DISP1: variants seen among roughly 807,000 people sequenced by gnomAD.
DISP1 encodes protein dispatched homolog 1.
Under a neutral mutation model 37.3 loss-of-function variants are expected in DISP1, and 30 were observed. The observed-to-expected ratio is 0.80, with a 90% CI of 0.60 to 1.09. DISP1 has a LOEUF of 1.09. Ranked by LOEUF, DISP1 falls within the 50% of genes least tolerant of loss-of-function variation. DISP1 has a pLI of 0.00. For missense variants in DISP1, 1,598 were observed against 1,879.5 expected (o/e 0.85, Z 2.77); for synonymous variants, 634 against 690.2 (o/e 0.92, Z 1.28).
intron 7 of DISP1, among the ~76,000 whole-genome samples, chr1:222,994,573 A>G (rs1678925264): frequency 6.6e-6 from 1 of 152,188 alleles, no homozygotes; most frequent in Admixed American, 6.5e-5. Context: ...GATATATTCA[A>G]TTCGTTTCCT....
intron 1 of DISP1, among the ~76,000 whole-genome samples, chr1:222,895,301 G>C (rs1320445565): frequency 2.0e-5 from 3 of 152,188 alleles, no homozygotes. Flanking sequence ...ACCTTTTGTA[G>C]ACCTTGGTGC....
chr1:222,840,530 C>A (rs576220505), intron 1 of DISP1, among the ~76,000 whole-genome samples: 245 of 151,130 alleles, frequency 1.6e-3, no homozygotes, highest in African/African-American at 5.8e-3. Flanking sequence ...GCGTGAGCCA[C>A]CATGCCTGGC....
At chr1:222,822,936 C>T (rs936281703) in intron 1 of DISP1, among the ~76,000 whole-genome samples, 2 of 152,132 alleles carry the variant, frequency 1.3e-5, no homozygotes. Context: ...AACCTCTCTC[C>T]CAAAGGAAAT....
At chr1:222,830,017 A>G (rs1244664898) in intron 1 of DISP1, among the ~76,000 whole-genome samples, 1 of 152,146 alleles carries the variant, frequency 6.6e-6, no homozygotes, top group Non-Finnish European at 1.5e-5. Context: ...GAGGATTTGA[A>G]AGGAAACAAT....
intron 3 of DISP1, among the ~76,000 whole-genome samples, chr1:222,969,337 TCCAG>T (rs1240422827): frequency 1.2e-5 from 1 of 80,274 alleles, no homozygotes; most frequent in Non-Finnish European, 2.2e-5. Context: ...GCCATTGCAC[TCCAG>T]CCTGGGCAAA....
intron 1 of DISP1, among the ~76,000 whole-genome samples, chr1:222,817,545 C>A (rs1661552051): frequency 6.6e-6 from 1 of 152,186 alleles, no homozygotes; most frequent in Non-Finnish European, 1.5e-5. Context: ...ATATTTGTTA[C>A]AATGGGGAAG....
At chr1:222,955,475 G>A (rs1023243190) in intron 3 of DISP1, among the ~76,000 whole-genome samples, 4 of 152,170 alleles carry the variant, frequency 2.6e-5, no homozygotes, top group South Asian at 2.1e-4. Flanking sequence ...ATATGCATTC[G>A]GTAGAAATTG....
intron 1 of DISP1, among the ~76,000 whole-genome samples, chr1:222,918,144 CATTGAGG>C (rs1436946933): frequency 6.6e-6 from 1 of 152,144 alleles, no homozygotes; most frequent in Non-Finnish European, 1.5e-5. Context: ...GCACCTCAAA[CATTGAGG>C]ACATTCCCCA....
At chr1:222,938,888 C>T (rs1674172922) in intron 2 of DISP1, among the ~76,000 whole-genome samples, 1 of 151,926 alleles carries the variant, frequency 6.6e-6, no homozygotes, top group Non-Finnish European at 1.5e-5. Flanking sequence ...GTCACCTGAA[C>T]ACCTACCCAA....
intron 1 of DISP1, among the ~76,000 whole-genome samples, chr1:222,901,590 C>T (rs1671587209): frequency 6.6e-6 from 1 of 152,096 alleles, no homozygotes; most frequent in South Asian, 2.1e-4. Context: ...TGCAGTGGCG[C>T]GATCTCTGCT....
chr1:222,886,126 C>T (rs904324760), intron 1 of DISP1, among the ~76,000 whole-genome samples: 18 of 152,188 alleles, frequency 1.2e-4, no homozygotes, highest in Admixed American at 1.2e-3. Flanking sequence ...AAAGACCTTT[C>T]AGCGACACGT....
chr1:222,909,222 G>T (rs1466277029), intron 1 of DISP1, among the ~76,000 whole-genome samples: 1 of 152,068 alleles, frequency 6.6e-6, no homozygotes, highest in Non-Finnish European at 1.5e-5. Flanking sequence ...ATTCAATAAT[G>T]TATGTAGAGA....
At chr1:222,858,811 T>C (rs891285058) in intron 1 of DISP1, among the ~76,000 whole-genome samples, 1 of 152,150 alleles carries the variant, frequency 6.6e-6, no homozygotes, top group Non-Finnish European at 1.5e-5. Flanking sequence ...AGAGTGGTGA[T>C]TATTAAAACG....
At chr1:222,970,244 G>A (rs913310009) in intron 3 of DISP1, among the ~76,000 whole-genome samples, 1 of 152,106 alleles carries the variant, frequency 6.6e-6, no homozygotes, top group Admixed American at 6.5e-5. Flanking sequence ...TGTTATTAGT[G>A]TCACCCGTTC....
At chr1:222,824,221 T>C (rs1663706507) in intron 1 of DISP1, among the ~76,000 whole-genome samples, 1 of 152,190 alleles carries the variant, frequency 6.6e-6, no homozygotes, top group Admixed American at 6.5e-5. Flanking sequence ...CCAGTAAATG[T>C]GTCCTACTTG....
chr1:223,004,479 G>A lies in DISP1; in HGVS notation c.3082G>A (p.Val1028Ile), dbSNP rs1217927537. ...GATATTTGTCACTGTTGGTTCTCTT[G>A]TCCTGCTGGGCTGGGAGCTCAATGT... The part of the protein sequence containing the change: ...GTIFVTVGSL[V>I]LLGWELNVLE... Residue 1028 changes from valine to isoleucine, a missense_variant, in exon 9 of 9, where the codon GTC (valine) becomes ATC (isoleucine). Physicochemically the swap from Val to Ile is conservative, Grantham distance 29. Transcript: ENST00000675850. The surrounding 1 kb of genome is among the most constrained non-coding windows in gnomAD (Gnocchi z 4.9). 1.9e-6 allele frequency: 3 copies of A among 1,614,188 alleles called. No homozygotes were observed. Among genetic ancestry groups the A allele is most frequent in the Non-Finnish European group, 2.5e-6 (3 of 1,180,030 alleles).
chr1:222,858,500 A>C (rs1006418297), intron 1 of DISP1, among the ~76,000 whole-genome samples: 1 of 152,174 alleles, frequency 6.6e-6, no homozygotes, highest in Non-Finnish European at 1.5e-5. Context: ...TAAACTAAAG[A>C]GCTTTTGCAC....
At chr1:222,870,678 T>C (rs959441851) in intron 1 of DISP1, among the ~76,000 whole-genome samples, 1 of 152,240 alleles carries the variant, frequency 6.6e-6, no homozygotes, top group Non-Finnish European at 1.5e-5. Flanking sequence ...TCATTGTAGA[T>C]TCTGGATATT....
At chr1:222,815,512 A>G (rs993435343) in intron 1 of DISP1, among the ~76,000 whole-genome samples, 5 of 152,168 alleles carry the variant, frequency 3.3e-5, no homozygotes, top group African/African-American at 4.8e-5. Flanking sequence ...TGAGGGTCGT[A>G]GGTGAGAAGG....
Sources: gnomAD v4.1 joint callset for allele counts (sites outside exome capture counted in the v4.1 genomes callset) on GRCh38, gnomAD v4.1.1 for gene constraint, Gnocchi (gnomAD v3.1) non-coding constraint, MANE v1.5 for transcripts, NCBI Gene and HGNC (gene_info 2026-07-23, HGNC 2026-07-21) for gene names.